Variants in EIF4E3 observed in about 807,000 individuals in gnomAD.
The protein encoded by EIF4E3 is eukaryotic translation initiation factor 4E family member 3.
In EIF4E3, 26 loss-of-function variants were observed where a neutral mutation model predicts 31.7. The observed-to-expected ratio is 0.82, with a 90% CI of 0.60 to 1.14. The LOEUF is 1.14. EIF4E3 is among the 50% of genes most tolerant of loss of function. EIF4E3 has a pLI of 0.00. For synonymous variants in EIF4E3, 128 were observed against 107.7 expected, an observed-to-expected ratio of 1.19 and a Z score of -1.17; for missense variants, 304 against 270.9, an observed-to-expected ratio of 1.12 and a Z score of -0.86.
At chr3:71,687,490 A>T (rs987225023) in intron 6 of EIF4E3, among the ~76,000 whole-genome samples, 4 of 152,222 alleles carry the variant, frequency 2.6e-5, no homozygotes, top group African/African-American at 9.6e-5. Context: ...TGTAAAAAGC[A>T]TTCTCAGCTA....
intron 1 of EIF4E3, among the ~76,000 whole-genome samples, chr3:71,745,185 TGC>T (rs2049859110): frequency 1.3e-5 from 2 of 152,228 alleles, no homozygotes; most frequent in African/African-American, 4.8e-5. Flanking sequence ...GTTACAATTC[TGC>T]AAATGAAAGG....
chr3:71,671,596 C>T (rs981493087), downstream of EIF4E3, among the ~76,000 whole-genome samples: 11 of 152,144 alleles, frequency 7.2e-5, no homozygotes, highest in Admixed American at 1.3e-4. Context: ...GAGATGGGCC[C>T]GTGTGACCCA....
intron 1 of EIF4E3, among the ~76,000 whole-genome samples, chr3:71,721,836 G>A (rs1262672642): frequency 6.6e-6 from 1 of 152,116 alleles, no homozygotes; most frequent in South Asian, 2.1e-4. Flanking sequence ...TGGAAGGTCT[G>A]AGAAGGTGAC....
intron 1 of EIF4E3, among the ~76,000 whole-genome samples, chr3:71,723,232 G>A (rs554497538): frequency 6.6e-6 from 1 of 152,192 alleles, no homozygotes; most frequent in Non-Finnish European, 1.5e-5. Context: ...ATCATAATGT[G>A]TTCATAACCT....
At position 71,684,163 on chromosome 3, in the gene EIF4E3, C is replaced by T. The variant is rs1321725393; in HGVS notation, c.*519G>A. ...CCCTGGGACAGAAAAAAACAATGCC[C>T]AGCTCACAGTACATAGGAATGTGTC... On this transcript the variant is annotated 3_prime_UTR_variant, in exon 7 of 7. Transcript: ENST00000425534. 1 of 152,502 alleles carries T rather than the reference C, an allele frequency of 6.6e-6. No homozygotes were observed. Among genetic ancestry groups the T allele is most frequent in the Non-Finnish European group, 1.5e-5 (1 of 68,014 alleles). 9.4% of individuals were successfully genotyped at this position (152,502 alleles called of 1,614,324 possible).
chr3:71,663,417 T>C, the EIF4E3 span, among the ~76,000 whole-genome samples: 18 of 152,326 alleles, frequency 1.2e-4, no homozygotes, highest in African/African-American at 4.3e-4. Context: ...CCTTTCAAAA[T>C]AAGAATTTAT....
chr3:71,702,759 G>A (rs111762318), intron 2 of EIF4E3, among the ~76,000 whole-genome samples: 112 of 149,496 alleles, frequency 7.5e-4, no homozygotes, highest in African/African-American at 2.7e-3. Context: ...TCATTAAACT[G>A]GTCTGTTTCC....
At chr3:71,698,157 T>C (rs1041116776) in intron 3 of EIF4E3, among the ~76,000 whole-genome samples, 2 of 152,198 alleles carry the variant, frequency 1.3e-5, no homozygotes, top group African/African-American at 4.8e-5. Context: ...CCCAGTCCTT[T>C]TGTTGGATAC....
downstream of EIF4E3, among the ~76,000 whole-genome samples, chr3:71,673,932 A>ATAT (rs1559581282): frequency 0.012 from 1,514 of 127,322 alleles, 29 homozygotes; most frequent in African/African-American, 0.04. Flanking sequence ...TATATATATA[A>ATAT]AAAACATAAT....
At chr3:71,753,779 G>C (rs2049965211), upstream of EIF4E3, among the ~76,000 whole-genome samples, 1 of 148,614 alleles carries the variant, frequency 6.7e-6, no homozygotes, top group South Asian at 2.1e-4. Context: ...GGCTGCGGAC[G>C]GTGGCGAGGC....
At chr3:71,711,811 T>A (rs143408568) in intron 1 of EIF4E3, among the ~76,000 whole-genome samples, 180 of 152,208 alleles carry the variant, frequency 1.2e-3, no homozygotes, top group Admixed American at 4.6e-3. Flanking sequence ...AACCCACCTC[T>A]ACTAAAATTA....
chr3:71,706,022 A>C (rs1203109823), intron 2 of EIF4E3, among the ~76,000 whole-genome samples: 1 of 152,242 alleles, frequency 6.6e-6, no homozygotes, highest in Non-Finnish European at 1.5e-5. Flanking sequence ...GGAGTAAGAG[A>C]ATCAATAAGC....
upstream of EIF4E3, chr3:71,754,168 C>T (rs760739874): frequency 9.6e-6 from 14 of 1,453,056 alleles, no homozygotes; most frequent in Non-Finnish European, 1.2e-5. The surrounding 1 kb of genome is among the most constrained non-coding windows in gnomAD (Gnocchi z 5.8). Flanking sequence ...GTGCTGTTCG[C>T]GCTGCTGATC....
At chr3:71,722,279 A>G (rs1422897291) in intron 1 of EIF4E3, among the ~76,000 whole-genome samples, 1 of 152,228 alleles carries the variant, frequency 6.6e-6, no homozygotes, top group African/African-American at 2.4e-5. Context: ...TTGGACATCC[A>G]TGGAGACAAA....
At chr3:71,708,361 G>A (rs2108072024) in intron 2 of EIF4E3, among the ~76,000 whole-genome samples, 1 of 152,266 alleles carries the variant, frequency 6.6e-6, no homozygotes. Context: ...TGGTGTAAGG[G>A]AAACTTTTTT....
intron 6 of EIF4E3, among the ~76,000 whole-genome samples, chr3:71,686,892 G>A (rs2048999605): frequency 6.6e-6 from 1 of 152,152 alleles, no homozygotes. Flanking sequence ...TGGGTAGAAA[G>A]GGATTATAGA....
chr3:71,732,694 T>A (rs2108137847), intron 1 of EIF4E3, among the ~76,000 whole-genome samples: 1 of 152,324 alleles, frequency 6.6e-6, no homozygotes, highest in East Asian at 1.9e-4. Flanking sequence ...CATCAGAAAC[T>A]GGACTGAAGG....
chr3:71,689,142 G>A (rs2049030221), intron 6 of EIF4E3, among the ~76,000 whole-genome samples: 1 of 152,134 alleles, frequency 6.6e-6, no homozygotes, highest in African/African-American at 2.4e-5. Flanking sequence ...TTAATTGGGA[G>A]CCTTTTATTT....
In EIF4E3 at chr3:71,725,347, G is replaced by A. The variant is rs943794838; in HGVS notation, c.21C>T (p.Ala7=). The change falls in exon 1 of 7, where the codon GCC becomes GCT. Residue 7 remains alanine (A), a synonymous_variant. Transcript: ENST00000425534. This position sits in a 1 kb window ranked among gnomAD's most constrained non-coding sequence, Gnocchi z 6.1. MALPPA[A]APPAGAREPP... Reference sequence around the variant, plus strand: ...GCTCCCGGGCCCCGGCGGGGGGCGCGGCGGCCGGGGGCAGCGCCATTTTCT... The same window carrying A: ...GCTCCCGGGCCCCGGCGGGGGGCGCAGCGGCCGGGGGCAGCGCCATTTTCT... 6.2e-6 allele frequency: 6 copies of A among 974,052 alleles called. No homozygotes were observed. The highest frequency in any genetic ancestry group is 5.3e-5 in the African/African-American group (3 of 56,320). The allele number at this position is 974,052 out of a possible 1,614,324, so 60.3% of individuals were successfully genotyped here.
Sources: gnomAD v4.1 joint callset for allele counts (sites outside exome capture counted in the v4.1 genomes callset) on GRCh38, gnomAD v4.1.1 for gene constraint, Gnocchi (gnomAD v3.1) non-coding constraint, MANE v1.5 for transcripts, NCBI Gene and HGNC (gene_info 2026-07-23, HGNC 2026-07-21) for gene names.